The following ESRRG variants were observed in gnomAD, a reference collection of about 807,000 sequenced individuals.
ESRRG encodes the protein estrogen-related receptor gamma.
A neutral mutation model predicts 44.0 loss-of-function variants in ESRRG; 13 were observed. The ratio of observed to expected loss-of-function variants is 0.30; its 90% CI spans 0.19 to 0.47. The LOEUF (loss-of-function observed/expected upper bound fraction) is 0.47, where lower values mean the gene tolerates loss of function less well. Among genes scored for constraint, ESRRG ranks in the 20% least tolerant of loss-of-function variants. The probability of loss-of-function intolerance (pLI) is 1.00; values close to 1 mark genes in which losing one functional copy is unlikely to be tolerated. For missense variants in ESRRG, 395 were observed against 580.6 expected (o/e 0.68, Z 3.29); for synonymous variants, 215 against 214.6 (o/e 1.00, Z -0.02).
At chr1:216,653,469 C>A (rs61817036) in intron 2 of ESRRG, among the ~76,000 whole-genome samples, 31 of 152,150 alleles carry the variant, frequency 2.0e-4, no homozygotes, top group Non-Finnish European at 3.7e-4. Flanking sequence ...CTTTCATTTA[C>A]TTTTCCAGCA....
intron 1 of ESRRG, among the ~76,000 whole-genome samples, chr1:217,099,876 A>G (rs1440645426): frequency 6.6e-6 from 1 of 152,142 alleles, no homozygotes; most frequent in East Asian, 1.9e-4. Flanking sequence ...TCAGAAAATG[A>G]CCCAGTTGAC....
intron 2 of ESRRG, among the ~76,000 whole-genome samples, chr1:216,664,111 A>G (rs1014558708): frequency 6.6e-5 from 10 of 152,192 alleles, no homozygotes; most frequent in African/African-American, 2.2e-4. Context: ...TATTTTAATA[A>G]CTTAAATGAT....
intron 2 of ESRRG, among the ~76,000 whole-genome samples, chr1:216,808,420 A>G (rs1331806295): frequency 6.6e-6 from 1 of 152,082 alleles, no homozygotes; most frequent in Non-Finnish European, 1.5e-5. Flanking sequence ...TCTAAAATTT[A>G]TTTATATATG....
In ESRRG at chr1:217,055,755, G is replaced by C. The variant is rs1314883636; in HGVS notation, c.-106+33752C>G. 1.3e-5 allele frequency among the ~76,000 whole-genome samples: 2 copies of C among 150,122 alleles called. 1 individual carries two copies. Among genetic ancestry groups the C allele is most frequent in the African/African-American group, 4.9e-5 (2 of 41,010 alleles). On this transcript the variant is annotated intron_variant, in intron 1 of 7. Transcript: ENST00000359162. ...ATTTACACTACATGAGGCCACCAGAGTCTCCTTTTCAGATCATCTGAGTCT... is the reference window on the plus strand; with the variant it reads ...ATTTACACTACATGAGGCCACCAGACTCTCCTTTTCAGATCATCTGAGTCT...
intron 3 of ESRRG, among the ~76,000 whole-genome samples, chr1:216,612,856 T>G (rs2060860947): frequency 6.6e-6 from 1 of 152,234 alleles, no homozygotes; most frequent in Admixed American, 6.5e-5. Flanking sequence ...ATGCAAATAC[T>G]GCTTACAAAA....
intron 2 of ESRRG, among the ~76,000 whole-genome samples, chr1:216,776,288 G>A (rs753853460): frequency 2.6e-5 from 4 of 151,802 alleles, no homozygotes; most frequent in African/African-American, 4.8e-5. Flanking sequence ...TTGCACATAC[G>A]GCAACCACTC....
chr1:217,003,877 A>G (rs959048141), intron 1 of ESRRG, among the ~76,000 whole-genome samples: 3 of 152,034 alleles, frequency 2.0e-5, no homozygotes, highest in African/African-American at 7.2e-5. Context: ...GATGGACCAA[A>G]AAAATAAAAA....
intron 1 of ESRRG, among the ~76,000 whole-genome samples, chr1:217,061,066 T>A (rs1265601093): frequency 6.6e-6 from 1 of 152,104 alleles, no homozygotes; most frequent in African/African-American, 2.4e-5. Flanking sequence ...TTGTGCTTTT[T>A]TCCCCCCAAA....
chr1:216,790,612 A>G (rs956068628), intron 2 of ESRRG, among the ~76,000 whole-genome samples: 1 of 152,176 alleles, frequency 6.6e-6, no homozygotes, highest in Non-Finnish European at 1.5e-5. Context: ...GATTAAAAAT[A>G]TATAGTACAT....
chr1:216,584,152 T>C (rs755837508), intron 3 of ESRRG, among the ~76,000 whole-genome samples: 46 of 152,314 alleles, frequency 3.0e-4, no homozygotes, highest in Non-Finnish European at 5.3e-4. Flanking sequence ...AACACTTTAA[T>C]TATGTATATA....
chr1:217,024,231 G>A (rs2080836066), intron 1 of ESRRG, among the ~76,000 whole-genome samples: 1 of 152,066 alleles, frequency 6.6e-6, no homozygotes, highest in Non-Finnish European at 1.5e-5. Context: ...GGTGGTGGGT[G>A]CCTGTAGTCC....
chr1:216,787,748 G>A (rs2094179766), intron 2 of ESRRG, among the ~76,000 whole-genome samples: 1 of 152,078 alleles, frequency 6.6e-6, no homozygotes, highest in Admixed American at 6.6e-5. Context: ...TAGGCCATAA[G>A]CTAGGCTTCT....
At chr1:217,136,236 G>T (rs1009461748) in intron 1 of ESRRG, among the ~76,000 whole-genome samples, 2 of 152,146 alleles carry the variant, frequency 1.3e-5, no homozygotes, top group African/African-American at 2.4e-5. Context: ...CGGAGTGAGT[G>T]GGAGGGAAAG....
intron 2 of ESRRG, among the ~76,000 whole-genome samples, chr1:216,784,914 C>T (rs2094069463): frequency 6.6e-6 from 1 of 151,954 alleles, no homozygotes; most frequent in Non-Finnish European, 1.5e-5. Context: ...ATTTCAGTTT[C>T]TATCACTAAA....
At chr1:216,733,066 CA>C (rs35856655) in intron 2 of ESRRG, among the ~76,000 whole-genome samples, 137,984 of 147,154 alleles carry the variant, frequency 0.94, 64,684 homozygotes, top group South Asian at 0.96. Flanking sequence ...AACAATAATC[CA>C]AAAAAAAAAA....
upstream of ESRRG, among the ~76,000 whole-genome samples, chr1:216,727,417 C>T (rs1227203119): frequency 6.6e-6 from 1 of 152,086 alleles, no homozygotes; most frequent in Non-Finnish European, 1.5e-5. Context: ...GCACCAGGCT[C>T]CCTTCTACTC....
intron 2 of ESRRG, among the ~76,000 whole-genome samples, chr1:216,843,882 T>G (rs919264627): frequency 4.1e-5 from 6 of 146,970 alleles, no homozygotes; most frequent in African/African-American, 1.6e-4. Context: ...TTTTTTTTTT[T>G]GTTTCCTTGG....
At chr1:216,848,451 GA>G (rs1487772506) in intron 2 of ESRRG, among the ~76,000 whole-genome samples, 2 of 151,344 alleles carry the variant, frequency 1.3e-5, no homozygotes, top group Admixed American at 6.6e-5. Context: ...TTTACACAGA[GA>G]TAATTAAACT....
chr1:216,950,068 C>T (rs1202651225), intron 1 of ESRRG, among the ~76,000 whole-genome samples: 3 of 152,164 alleles, frequency 2.0e-5, no homozygotes, highest in Non-Finnish European at 4.4e-5. Context: ...CTGCCTAGGA[C>T]TCCCAAAGTG....
Sources: gnomAD v4.1 joint callset for allele counts (sites outside exome capture counted in the v4.1 genomes callset) on GRCh38, gnomAD v4.1.1 for gene constraint, MANE v1.5 for transcripts, NCBI Gene and HGNC (gene_info 2026-07-23, HGNC 2026-07-21) for gene names.